Variants in WDR59 observed in about 807,000 individuals in gnomAD.
WDR59 encodes WD repeat domain 59.
Under a neutral mutation model 131.2 loss-of-function variants are expected in WDR59, and 100 were observed. That is an observed-to-expected ratio of 0.76 (90% CI 0.65 to 0.90). The LOEUF is 0.90. Ranked by LOEUF, WDR59 falls within the 40% of genes least tolerant of loss-of-function variation. The pLI is 0.00. For synonymous variants in WDR59, 601 were observed against 466.2 expected, an observed-to-expected ratio of 1.29 and a Z score of -3.72; for missense variants, 1,203 against 1,262.2, an observed-to-expected ratio of 0.95 and a Z score of 0.71.
intron 6 of WDR59, among the ~76,000 whole-genome samples, chr16:74,943,755 T>C (rs113686911): frequency 1.8e-4 from 27 of 152,114 alleles, no homozygotes; most frequent in Non-Finnish European, 3.2e-4. Flanking sequence ...ATCCACAGCT[T>C]TGGGGAGCTA....
At chr16:74,968,959 GA>G (rs1318011735) in intron 1 of WDR59, among the ~76,000 whole-genome samples, 4 of 152,170 alleles carry the variant, frequency 2.6e-5, no homozygotes, top group Non-Finnish European at 5.9e-5. Flanking sequence ...CAGAGGAAGT[GA>G]AAACGACCTA....
At chr16:74,916,692 C>G (rs552793165) in intron 11 of WDR59, among the ~76,000 whole-genome samples, 2 of 152,140 alleles carry the variant, frequency 1.3e-5, no homozygotes, top group African/African-American at 4.8e-5. Flanking sequence ...AATGCCGTCT[C>G]TACTAAAAAT....
At chr16:74,931,296 A>C (rs1345840406) in intron 8 of WDR59, among the ~76,000 whole-genome samples, 1 of 152,218 alleles carries the variant, frequency 6.6e-6, no homozygotes, top group African/African-American at 2.4e-5. Flanking sequence ...GAATGAATGA[A>C]AACAACTGAT....
intron 2 of WDR59, among the ~76,000 whole-genome samples, chr16:74,958,322 G>A (rs1251464800): frequency 6.6e-6 from 1 of 151,980 alleles, no homozygotes. Context: ...AGGCATGGTG[G>A]CTCACAACTC....
intron 18 of WDR59, among the ~76,000 whole-genome samples, chr16:74,897,055 T>C (rs1182176584): frequency 6.6e-6 from 1 of 152,258 alleles, no homozygotes; most frequent in African/African-American, 2.4e-5. Flanking sequence ...CCTGTTAATA[T>C]GGAAATTGCT....
At chr16:74,976,864 C>T (rs975638712) in intron 1 of WDR59, among the ~76,000 whole-genome samples, 1 of 152,030 alleles carries the variant, frequency 6.6e-6, no homozygotes, top group African/African-American at 2.4e-5. Context: ...AACATTAGCC[C>T]GGCCTGGTGG....
At chr16:74,930,741 A>G (rs2031299283) in intron 8 of WDR59, 2 of 151,818 alleles carry the variant, frequency 1.3e-5, no homozygotes, top group African/African-American at 2.4e-5. Context: ...AAAAATACAA[A>G]AGCTAGCCAA....
chr16:74,878,543 G>A (rs940915131), intron 25 of WDR59, among the ~76,000 whole-genome samples: 1 of 151,904 alleles, frequency 6.6e-6, no homozygotes, highest in Non-Finnish European at 1.5e-5. Context: ...ATACCTGGAA[G>A]GCTGAGGTAG....
intron 18 of WDR59, among the ~76,000 whole-genome samples, chr16:74,900,258 G>C (rs1302509380): frequency 6.6e-6 from 1 of 152,040 alleles, no homozygotes; most frequent in African/African-American, 2.4e-5. Flanking sequence ...GAGGGAATTG[G>C]GTGTCTTGAC....
intron 17 of WDR59, among the ~76,000 whole-genome samples, chr16:74,907,488 G>T (rs920102299): frequency 6.6e-6 from 1 of 152,150 alleles, no homozygotes; most frequent in Admixed American, 6.6e-5. Flanking sequence ...TGTAAGAAGT[G>T]CCTCTTCTCC....
In WDR59 at chr16:74,897,529, G is replaced by C. The variant is rs140422981; in HGVS notation, c.1867-3717C>G. ...TCTTCAATGAATTATGAAAATCACAGTCTGTGTTTCCTGGGACTTCTTGAG... is the reference window on the plus strand; with the variant it reads ...TCTTCAATGAATTATGAAAATCACACTCTGTGTTTCCTGGGACTTCTTGAG... On this transcript the variant is annotated intron_variant, in intron 18 of 25. Transcript: ENST00000262144. Among the ~76,000 whole-genome samples, 276 of 152,298 alleles carry C rather than the reference G, an allele frequency of 1.8e-3. 2 individuals are homozygous for C. Among genetic ancestry groups the C allele is most frequent in the African/African-American group, 6.2e-3 (258 of 41,552 alleles).
chr16:74,952,240 A>C (rs1377419651), intron 3 of WDR59, among the ~76,000 whole-genome samples: 2 of 151,960 alleles, frequency 1.3e-5, no homozygotes, highest in Non-Finnish European at 2.9e-5. Context: ...CAGGAGTTCA[A>C]GACCAGTCTG....
At chr16:74,879,127 G>A (rs904535478) in intron 25 of WDR59, among the ~76,000 whole-genome samples, 1 of 151,944 alleles carries the variant, frequency 6.6e-6, no homozygotes, top group Non-Finnish European at 1.5e-5. Flanking sequence ...CCGAGGTGGG[G>A]GTATCGCTTG....
At chr16:74,967,619 G>A (rs1020935077) in intron 1 of WDR59, among the ~76,000 whole-genome samples, 1 of 152,124 alleles carries the variant, frequency 6.6e-6, no homozygotes, top group Admixed American at 6.6e-5. Flanking sequence ...GGCAATTTGG[G>A]AGGCCAAGAC....
intron 10 of WDR59, among the ~76,000 whole-genome samples, chr16:74,920,483 C>T (rs550827011): frequency 1.8e-4 from 28 of 152,278 alleles, no homozygotes; most frequent in African/African-American, 6.7e-4. Context: ...TCACTGAAAC[C>T]TCTGCCTCCT....
chr16:74,897,293 C>T (rs1965343566), intron 18 of WDR59, among the ~76,000 whole-genome samples: 1 of 152,210 alleles, frequency 6.6e-6, no homozygotes, highest in Admixed American at 6.5e-5. Context: ...TGCTGCATTT[C>T]AGGCCGGGCA....
intron 8 of WDR59, among the ~76,000 whole-genome samples, chr16:74,937,928 T>A (rs1473520397): frequency 6.6e-6 from 1 of 152,252 alleles, no homozygotes; most frequent in African/African-American, 2.4e-5. Flanking sequence ...TCTGCCATCA[T>A]AACACAATGT....
At chr16:74,922,252 C>T in intron 9 of WDR59, 149 bp from the exon 10 acceptor site, 2 of 957,560 alleles carry the variant, frequency 2.1e-6, no homozygotes, top group South Asian at 3.5e-5. Flanking sequence ...TCCCAAACAC[C>T]ATAGGCTGCA....
At chr16:74,887,001 A>G (rs1441327313) in intron 23 of WDR59, among the ~76,000 whole-genome samples, 1 of 152,206 alleles carries the variant, frequency 6.6e-6, no homozygotes, top group Admixed American at 6.5e-5. Context: ...ATTATTTACG[A>G]GGACTTTTTG....
Sources: gnomAD v4.1 joint callset for allele counts (sites outside exome capture counted in the v4.1 genomes callset) on GRCh38, gnomAD v4.1.1 for gene constraint, MANE v1.5 for transcripts, NCBI Gene and HGNC (gene_info 2026-07-23, HGNC 2026-07-21) for gene names.